DLGAP1: variants seen among roughly 807,000 people sequenced by gnomAD.
DLGAP1 encodes the protein disks large-associated protein 1.
DLGAP1 carries 11 observed loss-of-function variants against 90.8 expected under a neutral mutation model. The observed-to-expected ratio is 0.12, with a 90% CI of 0.08 to 0.20. The LOEUF is 0.20. Ranked by LOEUF, DLGAP1 falls within the 10% of genes least tolerant of loss-of-function variation. The pLI is 1.00. For synonymous variants in DLGAP1, 558 were observed against 540.7 expected, an observed-to-expected ratio of 1.03 and a Z score of -0.44; for missense variants, 1,050 against 1,333.8, an observed-to-expected ratio of 0.79 and a Z score of 3.31.
intron 2 of DLGAP1, among the ~76,000 whole-genome samples, chr18:4,065,821 T>A (rs796809116): frequency 1.3e-5 from 2 of 150,374 alleles, no homozygotes; most frequent in African/African-American, 4.9e-5. Flanking sequence ...GAAAAAAAAA[T>A]TAAATTCACA....
At chr18:3,923,507 A>G (rs2072314575) in intron 3 of DLGAP1, among the ~76,000 whole-genome samples, 1 of 152,120 alleles carries the variant, frequency 6.6e-6, no homozygotes, top group African/African-American at 2.4e-5. Context: ...AGTTTTACAG[A>G]TATTTTTCCA....
intron 2 of DLGAP1, among the ~76,000 whole-genome samples, chr18:4,145,941 T>C (rs2076578896): frequency 6.6e-6 from 1 of 152,092 alleles, no homozygotes; most frequent in Admixed American, 6.6e-5. Flanking sequence ...CATGAAACCA[T>C]CAGCAATGTA....
Position 4,022,408 on chromosome 18 carries a change from T to TACACACAC in DLGAP1, c.-158-17215_-158-17208dup, listed in dbSNP as rs10626913. On this transcript the variant is annotated intron_variant, in intron 2 of 12. Coordinates refer to ENST00000315677, the MANE Select transcript of DLGAP1 (RefSeq NM_004746.4). ...ATATATGTTCATCCATTCTACCTTT[T>TACACACAC]ACACACACACACACACCACACACAC... Among the ~76,000 whole-genome samples the TACACACAC allele has an allele frequency of 1.3e-4, 20 of 149,138 alleles. No homozygotes were observed. The South Asian group carries it at 1.9e-3, about 14-fold the overall frequency.
chr18:3,778,157 A>G (rs112294031), intron 5 of DLGAP1, among the ~76,000 whole-genome samples: 67 of 152,274 alleles, frequency 4.4e-4, no homozygotes, highest in Middle Eastern at 3.4e-3. Flanking sequence ...AAAGCAGGTC[A>G]AGGCTGGGCA....
Position 3,580,400 on chromosome 18 carries a change from G to A in DLGAP1, c.1965+1475C>T, listed in dbSNP as rs1489876821. On this transcript the variant is annotated intron_variant, in intron 8 of 12. Transcript: ENST00000315677. ...GAGCCACATACCTAAGCACCAGGTGGACAGCTCCACAGCCCAATGTCTCCT... is the reference window on the plus strand; with the variant it reads ...GAGCCACATACCTAAGCACCAGGTGAACAGCTCCACAGCCCAATGTCTCCT... 17 of 1,613,788 alleles carry A rather than the reference G, an allele frequency of 1.1e-5. No individual in the cohort carries two copies. The East Asian group carries it at 1.8e-4, about 17-fold the overall frequency.
intron 1 of DLGAP1, among the ~76,000 whole-genome samples, chr18:4,313,552 G>A (rs565015029): frequency 6.6e-6 from 1 of 152,138 alleles, no homozygotes; most frequent in Non-Finnish European, 1.5e-5. Context: ...AGTTCATTGA[G>A]GGTGAAAATG....
chr18:3,735,874 C>T (rs879180593), intron 6 of DLGAP1, among the ~76,000 whole-genome samples: 1 of 151,976 alleles, frequency 6.6e-6, no homozygotes, highest in Admixed American at 6.6e-5. Context: ...CTTGGGTTTC[C>T]TAGCCTCTGT....
chr18:4,433,574 T>C (rs951948057), intron 1 of DLGAP1, among the ~76,000 whole-genome samples: 5 of 152,198 alleles, frequency 3.3e-5, no homozygotes, highest in African/African-American at 1.2e-4. Context: ...TTATAGTCAG[T>C]GCAGACATAG....
chr18:4,076,021 GCT>G (rs1240462861), intron 2 of DLGAP1, among the ~76,000 whole-genome samples: 1 of 151,900 alleles, frequency 6.6e-6, no homozygotes, highest in African/African-American at 2.4e-5. Context: ...TCCCTTTCTC[GCT>G]CTCTGTCTGC....
intron 8 of DLGAP1, among the ~76,000 whole-genome samples, chr18:3,573,283 C>T (rs2054912578): frequency 6.6e-6 from 1 of 152,128 alleles, no homozygotes; most frequent in African/African-American, 2.4e-5. Flanking sequence ...GGGCAGATCA[C>T]CTGAGGTCAG....
intron 3 of DLGAP1, among the ~76,000 whole-genome samples, chr18:3,962,834 C>A (rs2073231446): frequency 6.6e-6 from 1 of 152,084 alleles, no homozygotes; most frequent in African/African-American, 2.4e-5. Flanking sequence ...GATTACATTT[C>A]TTTGGTTATT....
chr18:4,143,041 C>T (rs1246845715), intron 2 of DLGAP1, among the ~76,000 whole-genome samples: 2 of 152,180 alleles, frequency 1.3e-5, no homozygotes, highest in African/African-American at 4.8e-5. Flanking sequence ...GCCGCCACCA[C>T]CACTGGGACT....
chr18:3,802,072 C>T (rs936860832), intron 5 of DLGAP1, among the ~76,000 whole-genome samples: 3 of 151,954 alleles, frequency 2.0e-5, no homozygotes, highest in Non-Finnish European at 4.4e-5. Context: ...GTAACCTCTG[C>T]CTCCCAGGTT....
intron 4 of DLGAP1, among the ~76,000 whole-genome samples, chr18:3,877,616 T>C (rs1312936898): frequency 6.6e-6 from 1 of 151,922 alleles, no homozygotes; most frequent in African/African-American, 2.4e-5. Flanking sequence ...TGAAGCTTTA[T>C]GTTCTTAAAG....
chr18:4,352,300 C>G (rs2081418866), intron 1 of DLGAP1, among the ~76,000 whole-genome samples: 1 of 152,148 alleles, frequency 6.6e-6, no homozygotes, highest in Non-Finnish European at 1.5e-5. Context: ...GAAAAATGCT[C>G]TCAAATCTCT....
chr18:4,149,584 C>G (rs1225785496), intron 2 of DLGAP1, among the ~76,000 whole-genome samples: 1 of 152,182 alleles, frequency 6.6e-6, no homozygotes, highest in Non-Finnish European at 1.5e-5. Flanking sequence ...CTGGTAGGAA[C>G]TGGGCTGCAC....
intron 1 of DLGAP1, among the ~76,000 whole-genome samples, chr18:4,313,618 C>G (rs1451771669): frequency 6.6e-6 from 1 of 151,904 alleles, no homozygotes; most frequent in Non-Finnish European, 1.5e-5. Flanking sequence ...TCGTTTCTGC[C>G]CTGCAAATAG....
intron 1 of DLGAP1, among the ~76,000 whole-genome samples, chr18:4,354,854 C>T (rs1396586577): frequency 8.5e-6 from 1 of 117,248 alleles, no homozygotes; most frequent in Non-Finnish European, 1.6e-5. Flanking sequence ...GAGGTACAGG[C>T]AGCCTCCTGG....
At chr18:3,917,287 G>C (rs1210584005) in intron 3 of DLGAP1, among the ~76,000 whole-genome samples, 9 of 152,214 alleles carry the variant, frequency 5.9e-5, no homozygotes, top group Non-Finnish European at 4.4e-5. Flanking sequence ...AGCAAATGCG[G>C]TGTTTGTTAT....
Sources: allele counts gnomAD v4.1 joint callset (sites outside exome capture counted in the v4.1 genomes callset), GRCh38; gene constraint gnomAD v4.1.1; transcripts MANE v1.5; gene names NCBI Gene and HGNC (gene_info 2026-07-23, HGNC 2026-07-21).